KCNT1: variants seen among roughly 807,000 people sequenced by gnomAD.
KCNT1 encodes potassium channel subfamily T member 1.
Under a neutral mutation model 147.8 loss-of-function variants are expected in KCNT1, and 78 were observed. The observed-to-expected ratio is 0.53, with a 90% CI of 0.44 to 0.64. The LOEUF (loss-of-function observed/expected upper bound fraction) is 0.64. Ranked by LOEUF, KCNT1 falls within the 30% of genes least tolerant of loss-of-function variation. KCNT1 has a pLI of 0.00. For missense variants in KCNT1, 1,419 were observed against 1,750.3 expected, an observed-to-expected ratio of 0.81 and a Z score of 3.38; for synonymous variants, 867 against 748.8, an observed-to-expected ratio of 1.16 and a Z score of -2.58.
intron 11 of KCNT1, among the ~76,000 whole-genome samples, chr9:135,763,879 G>C (rs1181460745): frequency 6.6e-6 from 1 of 152,120 alleles, no homozygotes; most frequent in Non-Finnish European, 1.5e-5. Context: ...CATCTTGTAG[G>C]TGAGGAAGCT....
intron 2 of KCNT1, among the ~76,000 whole-genome samples, chr9:135,721,765 A>G (rs1835934256): frequency 6.6e-6 from 1 of 152,156 alleles, no homozygotes; most frequent in African/African-American, 2.4e-5. Flanking sequence ...TTTCCAGCTC[A>G]GGGTCGGTTT....
chr9:135,784,265 C>T (rs1833843556), intron 25 of KCNT1, 140 bp downstream of exon 25: 2 of 738,756 alleles, frequency 2.7e-6, no homozygotes, highest in Non-Finnish European at 4.6e-6. Flanking sequence ...GACCTCTGGG[C>T]CCTGTCCTTG....
intron 6 of KCNT1, among the ~76,000 whole-genome samples, chr9:135,756,621 T>C (rs924314809): frequency 3.3e-5 from 5 of 152,040 alleles, no homozygotes; most frequent in African/African-American, 1.2e-4. Context: ...CACTGCACCC[T>C]CCATCCCACC....
intron 18 of KCNT1, 127 bp from the exon 19 acceptor site, chr9:135,772,588 A>C: frequency 1.7e-6 from 1 of 573,118 alleles, no homozygotes; most frequent in Non-Finnish European, 2.8e-6. Flanking sequence ...GAAGCTCCTC[A>C]GCTGGAGCAC....
At chr9:135,709,606 T>C (rs533350079) in intron 1 of KCNT1, among the ~76,000 whole-genome samples, 12 of 151,136 alleles carry the variant, frequency 7.9e-5, no homozygotes, top group Admixed American at 2.6e-4. Flanking sequence ...TCTCTCTAAT[T>C]ATTAGCTAGG....
intron 29 of KCNT1, among the ~76,000 whole-genome samples, 186 bp downstream of exon 29, chr9:135,786,707 C>T (rs1052488782): frequency 1.3e-5 from 2 of 152,266 alleles, no homozygotes; most frequent in African/African-American, 4.8e-5. Context: ...TGGGCACCAC[C>T]ACGGCCCAGC....
chr9:135,770,826 G>A lies in KCNT1; in HGVS notation c.1770-31G>A, dbSNP rs372828112. 147 of 1,532,828 alleles carry A rather than the reference G, an allele frequency of 9.6e-5. No individual in the cohort carries two copies. The African/African-American group carries it at 1.6e-3, about 17-fold the overall frequency. The allele number at this position is 1,532,828 out of a possible 1,614,324, so 95.0% of individuals were successfully genotyped here. ...GAGCGGGACAGGGCGGGTGAGCGGC[G>A]GTACCTGAAGTTGCCGGTGCCTCTG... On this transcript the variant is annotated intron_variant, in intron 17 of 30. Coordinates refer to ENST00000371757, the MANE Select transcript of KCNT1 (RefSeq NM_020822.3).
At chr9:135,758,910 A>G in intron 10 of KCNT1, among the ~76,000 whole-genome samples, 1 of 152,288 alleles carries the variant, frequency 6.6e-6, no homozygotes, top group African/African-American at 2.4e-5. Context: ...CCACCCAGGC[A>G]TGCCCACTGT....
intron 15 of KCNT1, among the ~76,000 whole-genome samples, chr9:135,769,682 A>G (rs1029647068): frequency 3.9e-5 from 6 of 152,114 alleles, no homozygotes; most frequent in Non-Finnish European, 5.9e-5. Context: ...CCCAAGGCAC[A>G]GGGGCCAGGG....
At position 135,768,843 on chromosome 9, in the gene KCNT1, C is replaced by A. The variant is rs1396554365; in HGVS notation, c.1416C>A (p.Ile472=). 3.1e-6 allele frequency: 5 copies of A among 1,612,578 alleles called. No individual in the cohort carries two copies. The highest frequency in any genetic ancestry group is 1.7e-4 in the Middle Eastern group (1 of 6,020). The change falls in exon 15 of 31, where the codon ATC becomes ATA. Residue 472 remains isoleucine (I), a synonymous_variant. Transcript: ENST00000371757. The part of the protein sequence containing the change: ...VDRTAADHQT[I]LRAWAVKDFA... ...CACCCCGCCAGGACCACCAGACCAT[C>A]CTGCGCGCCTGGGCCGTGAAGGACT...
In KCNT1 at chr9:135,775,357, CA is replaced by C. The variant is rs1399211359; in HGVS notation, c.2293del (p.Thr765ProfsTer8). 1 of 1,610,780 alleles carries C rather than the reference CA, an allele frequency of 6.2e-7. No individual in the cohort carries two copies. The highest frequency in any genetic ancestry group is 8.5e-7 in the Non-Finnish European group (1 of 1,178,528). ...PPNSPYIGSS[P>X]TLCHLLPVKA... is the part of the protein sequence containing the mutation. ...AACTCGCCCTACATCGGCAGCTCCC[CA>C]ACCCTGTGCCACCTCCTGCCTGTGA... On this transcript the variant is annotated frameshift_variant, in exon 20 of 31. Coordinates refer to ENST00000371757, the MANE Select transcript of KCNT1 (RefSeq NM_020822.3). LOFTEE classifies it high-confidence loss of function.
At chr9:135,750,250 G>A in intron 3 of KCNT1, 73 bp downstream of exon 3, 2 of 1,242,364 alleles carry the variant, frequency 1.6e-6, no homozygotes, top group Non-Finnish European at 2.4e-6. Context: ...CCTGGCGATG[G>A]CGAAGGCTGG....
At chr9:135,702,889 G>A (rs928365796) in intron 1 of KCNT1, 5 of 156,028 alleles carry the variant, frequency 3.2e-5, no homozygotes, top group Admixed American at 1.3e-4. Flanking sequence ...GTCAGATGAG[G>A]GCGGGAGTCC....
chr9:135,729,821 A>T (rs531549564), intron 2 of KCNT1, among the ~76,000 whole-genome samples: 2 of 152,288 alleles, frequency 1.3e-5, no homozygotes, highest in East Asian at 1.9e-4. Context: ...GTGTGGCCTC[A>T]GGTCCTGGTT....
chr9:135,769,523 A>C (rs1832597038), intron 15 of KCNT1, among the ~76,000 whole-genome samples: 1 of 152,192 alleles, frequency 6.6e-6, no homozygotes, highest in Non-Finnish European at 1.5e-5. Context: ...TCCTGGGGTC[A>C]GTGAAGGCAG....
chr9:135,703,722 A>G (rs547441198), intron 1 of KCNT1, among the ~76,000 whole-genome samples: 27 of 152,230 alleles, frequency 1.8e-4, no homozygotes, highest in African/African-American at 6.5e-4. Context: ...CTCCCTGGCC[A>G]TTCTGCTGGA....
intron 2 of KCNT1, among the ~76,000 whole-genome samples, chr9:135,719,846 C>T (rs535671927): frequency 2.0e-5 from 3 of 152,334 alleles, no homozygotes; most frequent in East Asian, 3.9e-4. Flanking sequence ...ACAGAAAGCC[C>T]GGCCCCAGTG....
chr9:135,720,343 C>G (rs1438386731), intron 2 of KCNT1, among the ~76,000 whole-genome samples: 1 of 152,020 alleles, frequency 6.6e-6, no homozygotes, highest in Non-Finnish European at 1.5e-5. Flanking sequence ...CCCTGCCCTC[C>G]GAGCCCTCAT....
Position 135,752,230 on chromosome 9 carries a change from C to T in KCNT1, c.434+1189C>T, listed in dbSNP as rs1051961260. ...TTCCCTGGAGAGAAGGCCTGACTGC[C>T]GGGAGCCTGGCTTCTGGGGACCTAA... On this transcript the variant is annotated intron_variant, in intron 4 of 30. Transcript: ENST00000371757. The surrounding 1 kb of genome is among the most constrained non-coding windows in gnomAD (Gnocchi z 5.1). 9 of 388,520 alleles carry T rather than the reference C, an allele frequency of 2.3e-5. No individual in the cohort carries two copies. The highest frequency in any genetic ancestry group is 6.3e-5 in the African/African-American group (3 of 47,712). The allele number at this position is 388,520 out of a possible 1,614,324, so 24.1% of individuals were successfully genotyped here. A position where few individuals can be genotyped will look rare whatever the true frequency, so the allele number is the denominator to read the frequency against.
Sources: allele counts gnomAD v4.1 joint callset (sites outside exome capture counted in the v4.1 genomes callset), GRCh38; gene constraint gnomAD v4.1.1; non-coding constraint Gnocchi (gnomAD v3.1); transcripts MANE v1.5; gene names NCBI Gene and HGNC (gene_info 2026-07-23, HGNC 2026-07-21).